Variants in ANKRD30A observed in about 807,000 individuals in gnomAD.
ANKRD30A encodes ankyrin repeat domain 30A.
A neutral mutation model predicts 166.3 loss-of-function variants in ANKRD30A; 170 were observed. That is an observed-to-expected ratio of 1.02 (90% confidence interval 0.90 to 1.16). ANKRD30A has a LOEUF of 1.16. Among genes scored for constraint, ANKRD30A ranks in the 50% most tolerant of loss-of-function variants. ANKRD30A has a pLI of 0.00. For synonymous variants in ANKRD30A, 564 were observed against 508.9 expected (o/e 1.11, Z -1.46); for missense variants, 1,630 against 1,518.0 (o/e 1.07, Z -1.23).
chr10:37,259,075 A>T, the ANKRD30A span, among the ~76,000 whole-genome samples: 3 of 152,026 alleles, frequency 2.0e-5, no homozygotes, highest in Non-Finnish European at 2.9e-5. Flanking sequence ...AACTATAAAG[A>T]AAAAGTCTGC....
chr10:37,239,736 G>A, the ANKRD30A span, among the ~76,000 whole-genome samples: 4 of 152,030 alleles, frequency 2.6e-5, no homozygotes, highest in Non-Finnish European at 5.9e-5. Flanking sequence ...AGCACTACAC[G>A]TGTATAGTCT....
At chr10:37,145,700 A>G (rs1164480774) in intron 8 of ANKRD30A, among the ~76,000 whole-genome samples, 3 of 152,226 alleles carry the variant, frequency 2.0e-5, no homozygotes, top group Admixed American at 1.3e-4. Flanking sequence ...TCTTTGGGCA[A>G]TTATATGACT....
chr10:37,258,978 A>T, the ANKRD30A span, among the ~76,000 whole-genome samples: 1 of 150,522 alleles, frequency 6.6e-6, no homozygotes, highest in Admixed American at 6.6e-5. Flanking sequence ...AAAAAAAAAA[A>T]AAAAAAACAA....
At position 37,219,047 on chromosome 10, in the gene ANKRD30A, C is replaced by T. The variant is rs1842742598; in HGVS notation, c.3335C>T (p.Ala1112Val). ...AATTGCATGTTGAAAAAGGAAATTG[C>T]CATGCTAAAACTGGAAATAGCCACA... The part of the protein sequence containing the change: ...HENCMLKKEI[A>V]MLKLEIATLK... The change falls in exon 34 of 36, where the codon GCC (alanine) becomes GTC (valine). Residue 1112 changes from alanine (A) to valine (V), a missense_variant. Transcript: ENST00000361713. The T allele has an allele frequency of 6.2e-7, 1 of 1,602,838 alleles. No homozygotes were observed.
intron 30 of ANKRD30A, among the ~76,000 whole-genome samples, chr10:37,200,315 G>T (rs1200896): frequency 0.75 from 113,865 of 151,390 alleles, 44,021 homozygotes; most frequent in African/African-American, 0.94. Context: ...AGGAAACCTT[G>T]TGGGAGTATA....
the ANKRD30A span, among the ~76,000 whole-genome samples, chr10:37,243,945 T>C: frequency 1.3e-5 from 2 of 152,124 alleles, no homozygotes; most frequent in African/African-American, 4.8e-5. Context: ...CTTACCATTA[T>C]GCAGTTCAGA....
At position 37,191,161 on chromosome 10, in the gene ANKRD30A, A is replaced by C. The variant is rs774331845; in HGVS notation, c.2512+1604A>C. ...ATATTGAAAGCTTATTAAATTTGCT[A>C]TTCCTTGATGAGATTTGTACATCTT... On this transcript the variant is annotated intron_variant, in intron 25 of 35. Coordinates refer to ENST00000361713, the MANE Select transcript of ANKRD30A (RefSeq NM_052997.3). Among the ~76,000 whole-genome samples, 52 of 151,320 alleles carry C rather than the reference A, an allele frequency of 3.4e-4. 2 individuals are homozygous for C. The highest frequency in any genetic ancestry group is 3.9e-4 in the Admixed American group (6 of 15,216).
intron 19 of ANKRD30A, 30 bp downstream of exon 19, chr10:37,166,725 T>A (rs1465979228): frequency 1.2e-6 from 2 of 1,607,370 alleles, no homozygotes; most frequent in East Asian, 2.2e-5. Context: ...TAAAAATCAT[T>A]TGACCAAATA....
chr10:37,149,601 G>A (rs763942873), intron 9 of ANKRD30A, 50 bp from the exon 10 acceptor site: 3 of 1,576,190 alleles, frequency 1.9e-6, no homozygotes, highest in East Asian at 2.2e-5. Flanking sequence ...CATTTGGTTG[G>A]CATTGTCATA....
rs138212727 is a variant in ANKRD30A at position 37,148,202 on chromosome 10, G to A, written c.1543+745G>A. 3.0e-3 allele frequency among the ~76,000 whole-genome samples: 455 copies of A among 152,230 alleles called. 5 individuals carry two copies. Among genetic ancestry groups the A allele is most frequent in the African/African-American group, 0.011 (437 of 41,554 alleles). ...CAGTGGTACTTGGAGCTCATTCTGA[G>A]TAGCAAGAGGAGAGGCCATTCATGG... is the stretch of plus-strand genomic sequence containing the variant. On this transcript the variant is annotated intron_variant, in intron 9 of 35. Coordinates refer to ENST00000361713, the MANE Select transcript of ANKRD30A (RefSeq NM_052997.3).
At chr10:37,150,035 T>A (rs1216625093) in intron 11 of ANKRD30A, among the ~76,000 whole-genome samples, 186 bp downstream of exon 11, 12 of 152,182 alleles carry the variant, frequency 7.9e-5, no homozygotes, top group East Asian at 1.9e-4. Flanking sequence ...ATATATTTTT[T>A]AAAAATGTAG....
At chr10:37,221,711 A>G (rs567580530) in intron 34 of ANKRD30A, among the ~76,000 whole-genome samples, 1 of 151,422 alleles carries the variant, frequency 6.6e-6, no homozygotes, top group South Asian at 2.1e-4. Context: ...AAGATTAAGA[A>G]TTATACATTG....
chr10:37,134,344 A>G (rs1836550009), intron 5 of ANKRD30A, among the ~76,000 whole-genome samples: 1 of 152,082 alleles, frequency 6.6e-6, no homozygotes, highest in African/African-American at 2.4e-5. Flanking sequence ...TAAATACTTG[A>G]ATTTTTTAAA....
chr10:37,133,824 G>A (rs1241169049), intron 4 of ANKRD30A, 92 bp from the exon 5 acceptor site: 8 of 1,425,568 alleles, frequency 5.6e-6, no homozygotes, highest in African/African-American at 1.4e-5. Context: ...ACTTATGTTT[G>A]TTGGTACATG....
chr10:37,228,254 G>T (rs1410067583), intron 34 of ANKRD30A, among the ~76,000 whole-genome samples: 4 of 151,972 alleles, frequency 2.6e-5, no homozygotes, highest in Non-Finnish European at 5.9e-5. Flanking sequence ...TAATTTTGTT[G>T]TATGATATGA....
chr10:37,259,421 C>A, the ANKRD30A span, among the ~76,000 whole-genome samples: 49 of 152,282 alleles, frequency 3.2e-4, no homozygotes, highest in African/African-American at 1.2e-3. Context: ...TAAAATAGCA[C>A]AACCACTTGA....
chr10:37,149,968 A>C, intron 11 of ANKRD30A, 119 bp downstream of exon 11: 1 of 1,362,808 alleles, frequency 7.3e-7, no homozygotes, highest in Non-Finnish European at 1.0e-6. Flanking sequence ...GATCTAGATA[A>C]TGCCAATACT....
chr10:37,138,293 A>T (rs2132524447), intron 6 of ANKRD30A, among the ~76,000 whole-genome samples: 2 of 152,320 alleles, frequency 1.3e-5, no homozygotes, highest in Middle Eastern at 6.8e-3. Flanking sequence ...CAGAGCAGAA[A>T]AACTGGAAAC....
intron 9 of ANKRD30A, 96 bp from the exon 10 acceptor site, chr10:37,149,555 G>A (rs765467120): frequency 3.1e-5 from 44 of 1,424,082 alleles, no homozygotes; most frequent in African/African-American, 1.0e-4. Flanking sequence ...TCTCAAAGTC[G>A]ACCAAGAGGA....
Sources: allele counts gnomAD v4.1 joint callset (sites outside exome capture counted in the v4.1 genomes callset), GRCh38; gene constraint gnomAD v4.1.1; transcripts MANE v1.5; gene names NCBI Gene and HGNC (gene_info 2026-07-23, HGNC 2026-07-21).